Variants in SEC11A observed in about 807,000 individuals in gnomAD.
SEC11A encodes SEC11 homolog A, signal peptidase complex subunit.
In SEC11A, 14 loss-of-function variants were observed where a neutral mutation model predicts 25.6. The ratio of observed to expected loss-of-function variants is 0.55; its 90% CI spans 0.36 to 0.85. The LOEUF is 0.85. Among genes scored for constraint, SEC11A ranks in the 40% least tolerant of loss-of-function variants. The pLI, the probability that SEC11A is intolerant of heterozygous loss-of-function variation, is 0.01. For synonymous variants in SEC11A, 83 were observed against 76.4 expected (o/e 1.09, Z -0.45); for missense variants, 153 against 222.9 (o/e 0.69, Z 2.00).
chr15:84,679,926 A>G, intron 4 of SEC11A: 1 of 1,525,762 alleles, frequency 6.6e-7, no homozygotes, highest in South Asian at 1.2e-5. Flanking sequence ...AATACCAACA[A>G]CTTACAATTC....
At chr15:84,683,468 T>C (rs1020861565) in intron 3 of SEC11A, among the ~76,000 whole-genome samples, 2 of 152,140 alleles carry the variant, frequency 1.3e-5, no homozygotes, top group Non-Finnish European at 2.9e-5. Flanking sequence ...TAATCAGGAG[T>C]TATCACTATA....
chr15:84,696,807 A>C (rs982336817), intron 1 of SEC11A, among the ~76,000 whole-genome samples: 1 of 152,216 alleles, frequency 6.6e-6, no homozygotes, highest in African/African-American at 2.4e-5. Flanking sequence ...TGGGGAAAAA[A>C]AATTTCCATT....
At chr15:84,698,927 G>A (rs916538280) in intron 1 of SEC11A, among the ~76,000 whole-genome samples, 4 of 152,118 alleles carry the variant, frequency 2.6e-5, no homozygotes, top group East Asian at 1.9e-4. Flanking sequence ...TACTCAACCC[G>A]TACATAAATC....
At position 84,685,097 on chromosome 15, in the gene SEC11A, C is replaced by G. The variant is rs111705635; in HGVS notation, c.311+2528G>C. 4.0e-3 allele frequency among the ~76,000 whole-genome samples: 604 copies of G among 152,218 alleles called. 2 individuals carry two copies. Among genetic ancestry groups the G allele is most frequent in the African/African-American group, 0.014 (574 of 41,536 alleles). On this transcript the variant is annotated intron_variant, in intron 3 of 5. Transcript: ENST00000268220. ...ATCTCAAGAGTCTGAAATAAATCAC[C>G]AAAAACCCCAGATTACAAGTACCAT...
At chr15:84,674,733 AT>A (rs1390905954) in intron 4 of SEC11A, among the ~76,000 whole-genome samples, 4 of 151,768 alleles carry the variant, frequency 2.6e-5, no homozygotes, top group East Asian at 3.9e-4. Flanking sequence ...TAATTTTTAA[AT>A]TTTTTTGTAG....
chr15:84,680,220 G>T (rs557057501), intron 4 of SEC11A, among the ~76,000 whole-genome samples: 9 of 151,564 alleles, frequency 5.9e-5, no homozygotes, highest in Non-Finnish European at 1.3e-4. Context: ...AGAATCGCTT[G>T]AACTCAGGAG....
Position 84,674,480 on chromosome 15 carries a change from A to G in SEC11A, c.432-3698T>C, listed in dbSNP as rs139182649. On this transcript the variant is annotated intron_variant, in intron 4 of 5. Coordinates refer to ENST00000268220, the MANE Select transcript of SEC11A (RefSeq NM_014300.4). Reference sequence around the variant, plus strand: ...GAGACTCTGTTACCTCCATGCAATGATATCTATGCCCAAAGAACCACAATC... The same window carrying G: ...GAGACTCTGTTACCTCCATGCAATGGTATCTATGCCCAAAGAACCACAATC... Among the ~76,000 whole-genome samples, 871 of 152,206 alleles carry G rather than the reference A, an allele frequency of 5.7e-3. 3 individuals are homozygous for G. The highest frequency in any genetic ancestry group is 0.019 in the African/African-American group (807 of 41,530).
Position 84,691,555 on chromosome 15 carries a change from A to C in SEC11A, c.141T>G (p.Ser47Arg), listed in dbSNP as rs1445080655. Reference protein sequence around the residue: ...KGLMVITGSESPIVVVLSGSM... With the variant: ...KGLMVITGSERPIVVVLSGSM... ...GTTACCTGAGCACCACTACAATCGG[A>C]CTTTCACTTCCAGTTATTACCATTA... Residue 47 changes from serine (S) to arginine (R), a missense_variant, in exon 2 of 6, where the codon AGT (serine) becomes AGG (arginine). Physicochemically the swap from Ser to Arg is moderately radical, Grantham distance 110. Transcript: ENST00000268220. 1.2e-6 allele frequency: 2 copies of C among 1,608,156 alleles called. No individual in the cohort carries two copies. The highest frequency in any genetic ancestry group is 1.7e-6 in the Non-Finnish European group (2 of 1,175,586).
At chr15:84,707,311 G>A (rs1458248233) in intron 1 of SEC11A, among the ~76,000 whole-genome samples, 6 of 148,676 alleles carry the variant, frequency 4.0e-5, no homozygotes, top group African/African-American at 5.0e-5. Context: ...TCAGCCTCCC[G>A]AGTAGCTGGG....
At chr15:84,674,637 C>T (rs773169899) in intron 4 of SEC11A, among the ~76,000 whole-genome samples, 1 of 152,120 alleles carries the variant, frequency 6.6e-6, no homozygotes, top group Admixed American at 6.5e-5. Context: ...TAGCTCACTA[C>T]AGCCTTGAAC....
intron 1 of SEC11A, 35 bp downstream of exon 1, chr15:84,715,990 A>G: frequency 6.2e-7 from 1 of 1,608,478 alleles, no homozygotes; most frequent in South Asian, 1.1e-5. Context: ...AAGGGACAAG[A>G]AGAGCCAGGA....
chr15:84,688,436 T>TTCTTACC (rs1246797389), intron 2 of SEC11A, among the ~76,000 whole-genome samples: 3 of 152,240 alleles, frequency 2.0e-5, no homozygotes, highest in African/African-American at 7.2e-5. Context: ...ACAGAGTATC[T>TTCTTACC]TCTTACCTCT....
At chr15:84,679,327 G>T in intron 4 of SEC11A, 1 of 922,768 alleles carries the variant, frequency 1.1e-6, no homozygotes, top group Non-Finnish European at 1.5e-6. Flanking sequence ...TCCATCAAAG[G>T]AAAAGTTCCT....
At chr15:84,694,084 G>A (rs904561253) in intron 1 of SEC11A, among the ~76,000 whole-genome samples, 2 of 152,168 alleles carry the variant, frequency 1.3e-5, no homozygotes, top group African/African-American at 4.8e-5. Flanking sequence ...GCCAGGTGCA[G>A]TGGCTCACAT....
intron 1 of SEC11A, 107 bp from the exon 2 acceptor site, chr15:84,691,751 T>C (rs143557856): frequency 4.8e-6 from 3 of 629,690 alleles, no homozygotes; most frequent in East Asian, 2.8e-5. Flanking sequence ...TTAGGACAAC[T>C]ACAGTTCTGA....
At position 84,672,612 on chromosome 15, in the gene SEC11A, C is replaced by T. The variant is rs112538486; in HGVS notation, c.432-1830G>A. ...GGAATGCAGTGGCATGATCTCGGCTCGCTACAACCACCTCCCAGCCGCCTG... is the reference window on the plus strand; with the variant it reads ...GGAATGCAGTGGCATGATCTCGGCTTGCTACAACCACCTCCCAGCCGCCTG... On this transcript the variant is annotated intron_variant, in intron 4 of 5. Transcript: ENST00000268220. 5.4e-4 allele frequency: 113 copies of T among 209,544 alleles called. No homozygotes were observed. In the Middle Eastern group the frequency reaches 0.015, roughly 28 times the overall value. 13.0% of individuals were successfully genotyped at this position (209,544 alleles called of 1,614,324 possible).
Position 84,687,638 on chromosome 15 carries a change from T to TC in SEC11A, c.297dup (p.Lys100GlufsTer4). 1 of 1,577,740 alleles carries TC rather than the reference T, an allele frequency of 6.3e-7. No homozygotes were observed. Among genetic ancestry groups the TC allele is most frequent in the Non-Finnish European group, 8.5e-7 (1 of 1,171,296 alleles). On this transcript the variant is annotated frameshift_variant, in exon 3 of 6. Transcript: ENST00000268220. LOFTEE classifies it high-confidence loss of function. The stretch of plus-strand genomic sequence containing the variant: ...CTTTGCACATACTTTTCATGAATCT[T>TC]CAAGACTCGGTGAACTATAGGAATC...
chr15:84,709,255 C>T (rs150957186), intron 1 of SEC11A, among the ~76,000 whole-genome samples: 439 of 151,938 alleles, frequency 2.9e-3, no homozygotes, highest in African/African-American at 8.9e-3. Flanking sequence ...GACTTGAACT[C>T]CTTGGGCTCA....
chr15:84,713,446 T>C (rs1437395385), intron 1 of SEC11A, among the ~76,000 whole-genome samples: 2 of 152,222 alleles, frequency 1.3e-5, no homozygotes, highest in Non-Finnish European at 2.9e-5. Flanking sequence ...GTATTGTCAA[T>C]TCTTCCTCCT....
Sources: gnomAD v4.1 joint callset for allele counts (sites outside exome capture counted in the v4.1 genomes callset) on GRCh38, gnomAD v4.1.1 for gene constraint, MANE v1.5 for transcripts, NCBI Gene and HGNC (gene_info 2026-07-23, HGNC 2026-07-21) for gene names.